SEMA6D: variants seen among roughly 807,000 people sequenced by gnomAD.
The protein encoded by SEMA6D is semaphorin-6D.
SEMA6D carries 35 observed loss-of-function variants against 106.6 expected under a neutral mutation model. The ratio of observed to expected loss-of-function variants is 0.33; its 90% CI spans 0.25 to 0.44. SEMA6D has a LOEUF of 0.44. Among genes scored for constraint, SEMA6D ranks in the 20% least tolerant of loss-of-function variants. The pLI, the probability that SEMA6D is intolerant of heterozygous loss-of-function variation, is 1.00. For missense variants in SEMA6D, 1,185 were observed against 1,345.9 expected (o/e 0.88, Z 1.87); for synonymous variants, 499 against 487.7 (o/e 1.02, Z -0.31).
intron 3 of SEMA6D, among the ~76,000 whole-genome samples, chr15:47,590,322 T>C (rs898073184): frequency 2.0e-5 from 3 of 150,628 alleles, no homozygotes; most frequent in Non-Finnish European, 4.4e-5. Flanking sequence ...TAGGTGGGAA[T>C]TGAGCAATGA....
chr15:47,302,684 G>A (rs2036069904), intron 1 of SEMA6D, among the ~76,000 whole-genome samples: 1 of 152,188 alleles, frequency 6.6e-6, no homozygotes, highest in African/African-American at 2.4e-5. Flanking sequence ...GTAGGAGAAG[G>A]ATTCAACTTG....
intron 4 of SEMA6D, among the ~76,000 whole-genome samples, chr15:47,638,660 T>A (rs1410003624): frequency 6.6e-6 from 1 of 152,246 alleles, no homozygotes; most frequent in Non-Finnish European, 1.5e-5. Context: ...ACCTAATTTA[T>A]ATTAAAATCT....
chr15:47,620,357 T>G (rs1379855137), intron 4 of SEMA6D, among the ~76,000 whole-genome samples: 1 of 152,210 alleles, frequency 6.6e-6, no homozygotes, highest in Non-Finnish European at 1.5e-5. Context: ...TCACACCCTC[T>G]GGAGGCAGGG....
intron 1 of SEMA6D, among the ~76,000 whole-genome samples, chr15:47,402,501 C>T (rs1290098717): frequency 6.6e-6 from 1 of 152,166 alleles, no homozygotes; most frequent in African/African-American, 2.4e-5. Context: ...GGCTAGCAGT[C>T]TTCTCAAAGA....
At chr15:47,209,584 G>GT (rs1395139581) in intron 1 of SEMA6D, among the ~76,000 whole-genome samples, 1 of 152,134 alleles carries the variant, frequency 6.6e-6, no homozygotes, top group Non-Finnish European at 1.5e-5. Flanking sequence ...ATATTCCACT[G>GT]TTTCAGTTCA....
chr15:47,282,081 G>C (rs1174221042), intron 1 of SEMA6D, among the ~76,000 whole-genome samples: 1 of 152,064 alleles, frequency 6.6e-6, no homozygotes, highest in Non-Finnish European at 1.5e-5. Flanking sequence ...ATAATAATGT[G>C]CTTAGTATCC....
intron 3 of SEMA6D, among the ~76,000 whole-genome samples, chr15:47,596,292 T>C (rs2076534237): frequency 6.6e-6 from 1 of 151,994 alleles, no homozygotes; most frequent in African/African-American, 2.4e-5. Context: ...AAGACACAAA[T>C]ACATGGAAAT....
At chr15:47,541,388 T>C (rs902950796) in intron 3 of SEMA6D, among the ~76,000 whole-genome samples, 1 of 152,154 alleles carries the variant, frequency 6.6e-6, no homozygotes, top group African/African-American at 2.4e-5. Flanking sequence ...AGAATCCCTA[T>C]AGTAAATAAA....
intron 3 of SEMA6D, among the ~76,000 whole-genome samples, chr15:47,594,550 C>A (rs1276846582): frequency 6.6e-6 from 1 of 152,170 alleles, no homozygotes; most frequent in Admixed American, 6.5e-5. Context: ...GGGTACCCAT[C>A]ACATACTGAC....
chr15:47,456,502 C>A (rs1008366131), intron 2 of SEMA6D, among the ~76,000 whole-genome samples: 1 of 151,796 alleles, frequency 6.6e-6, no homozygotes, highest in Non-Finnish European at 1.5e-5. Context: ...TTAGAGCTGC[C>A]GCTAGAATTT....
chr15:47,249,637 C>CT (rs1206187465), intron 1 of SEMA6D, among the ~76,000 whole-genome samples: 1 of 152,086 alleles, frequency 6.6e-6, no homozygotes, highest in Non-Finnish European at 1.5e-5. Context: ...TGTGCTGAAT[C>CT]TATTTCCCAG....
intron 2 of SEMA6D, among the ~76,000 whole-genome samples, chr15:47,415,239 T>G (rs2040926716): frequency 6.6e-6 from 1 of 152,182 alleles, no homozygotes; most frequent in Admixed American, 6.5e-5. Context: ...TCATTATAAC[T>G]TTCCCTGAAT....
intron 3 of SEMA6D, among the ~76,000 whole-genome samples, chr15:47,570,238 G>A (rs2142885853): frequency 6.6e-6 from 1 of 152,228 alleles, no homozygotes; most frequent in South Asian, 2.1e-4. Flanking sequence ...AATCTTTTGT[G>A]CCCTGTGATT....
At chr15:47,658,244 C>A (rs2145130674) in intron 4 of SEMA6D, among the ~76,000 whole-genome samples, 1 of 152,066 alleles carries the variant, frequency 6.6e-6, no homozygotes, top group Middle Eastern at 3.4e-3. Flanking sequence ...ACATTGTATC[C>A]TTTGAACAAC....
chr15:47,374,930 C>T (rs1006139064), intron 1 of SEMA6D, among the ~76,000 whole-genome samples: 1 of 152,164 alleles, frequency 6.6e-6, no homozygotes, highest in African/African-American at 2.4e-5. Context: ...TGTTGTAGAC[C>T]TGTTGCAGAG....
rs1266603690 is a variant in SEMA6D, at chr15:47,650,977, G to A, written c.-55+50081G>A. ...TCTCCCTTTACTGATTGCCAGTGAG[G>A]GTGCTCGTGATTGTCTATGTGCTAT... On this transcript the variant is annotated intron_variant, in intron 4 of 19. Transcript: ENST00000558014. Among the ~76,000 whole-genome samples the A allele has an allele frequency of 3.3e-5, 5 of 152,254 alleles. No individual in the cohort carries two copies. The South Asian group carries it at 1.0e-3, about 32-fold the overall frequency.
chr15:47,609,716 C>T (rs1242415000), intron 4 of SEMA6D, among the ~76,000 whole-genome samples: 4 of 152,230 alleles, frequency 2.6e-5, no homozygotes. Flanking sequence ...TTATGCCCTA[C>T]TTGCTCATGC....
In SEMA6D at chr15:47,494,333, T is replaced by C. The variant is rs2043568104; in HGVS notation, c.-87+23788T>C. ...CTAAAATTGGATATAGCATATGAAC[T>C]CTTTCAATCATGCAGAAAGTGAAAA... On this transcript the variant is annotated intron_variant, in intron 3 of 19. Coordinates refer to the SEMA6D transcript ENST00000558014. Among the ~76,000 whole-genome samples, 3 of 152,208 alleles carry C rather than the reference T, an allele frequency of 2.0e-5. No homozygotes were observed. The South Asian group carries it at 6.2e-4, about 32-fold the overall frequency.
At chr15:47,679,594 T>G (rs951048292) in intron 4 of SEMA6D, among the ~76,000 whole-genome samples, 1 of 124,244 alleles carries the variant, frequency 8.0e-6, no homozygotes, top group African/African-American at 2.5e-5. Context: ...TTTTTTTGTT[T>G]GTTTTTGTTT....
Sources: gnomAD v4.1 joint callset for allele counts (sites outside exome capture counted in the v4.1 genomes callset) on GRCh38, gnomAD v4.1.1 for gene constraint, MANE v1.5 for transcripts, NCBI Gene and HGNC (gene_info 2026-07-23, HGNC 2026-07-21) for gene names.